The following NAV2 variants were observed in gnomAD, a reference collection of about 807,000 sequenced individuals.
NAV2 encodes the protein helicase, APC down-regulated 1.
A neutral mutation model predicts 223.2 loss-of-function variants in NAV2; 54 were observed. The ratio of observed to expected loss-of-function variants is 0.24; its 90% CI spans 0.19 to 0.30. The LOEUF (loss-of-function observed/expected upper bound fraction) is 0.30. NAV2 is among the 10% of genes least tolerant of loss of function. NAV2 has a pLI of 1.00. For missense variants in NAV2, 2,806 were observed against 3,147.5 expected (o/e 0.89, Z 2.60); for synonymous variants, 1,279 against 1,239.3 (o/e 1.03, Z -0.67).
At chr11:19,893,920 T>C (rs572558782) in intron 6 of NAV2, among the ~76,000 whole-genome samples, 1 of 152,318 alleles carries the variant, frequency 6.6e-6, no homozygotes, top group African/African-American at 2.4e-5. Flanking sequence ...GCTTGTAAAA[T>C]GGTACAAGTA....
At chr11:20,037,668 T>C (rs760584498) in intron 12 of NAV2, among the ~76,000 whole-genome samples, 57 of 152,208 alleles carry the variant, frequency 3.7e-4, no homozygotes, top group African/African-American at 1.3e-3. Context: ...TTTTCTAAAA[T>C]GTATTCAAGC....
intron 1 of NAV2, among the ~76,000 whole-genome samples, chr11:19,628,036 G>A (rs1221105976): frequency 6.6e-6 from 1 of 152,140 alleles, no homozygotes; most frequent in Non-Finnish European, 1.5e-5. Context: ...CTGGCATGTG[G>A]CAAACACCCA....
intron 11 of NAV2, among the ~76,000 whole-genome samples, chr11:19,995,006 G>A (rs888059377): frequency 2.0e-5 from 3 of 152,322 alleles, no homozygotes; most frequent in Non-Finnish European, 4.4e-5. Context: ...CTCTGATGAA[G>A]GCACACATTA....
chr11:19,855,097 C>T (rs1160699496), intron 3 of NAV2, among the ~76,000 whole-genome samples: 2 of 151,980 alleles, frequency 1.3e-5, no homozygotes, highest in Admixed American at 6.6e-5. Flanking sequence ...GCCTCCATTT[C>T]CCCATCTGAA....
At chr11:19,377,735 C>T (rs1273240766) in intron 1 of NAV2, among the ~76,000 whole-genome samples, 1 of 152,120 alleles carries the variant, frequency 6.6e-6, no homozygotes, top group African/African-American at 2.4e-5. Context: ...TCTCAAGGCC[C>T]TGGGAGGTTA....
At chr11:20,060,596 G>A (rs1401100936) in intron 19 of NAV2, among the ~76,000 whole-genome samples, 1 of 152,226 alleles carries the variant, frequency 6.6e-6, no homozygotes, top group East Asian at 1.9e-4. Context: ...GAGCTGCTAA[G>A]AGAGAAGAGG....
chr11:19,762,611 C>CT lies in NAV2; in HGVS notation c.267+48670dup, dbSNP rs35264238. On this transcript the variant is annotated intron_variant, in intron 1 of 37. Coordinates refer to ENST00000349880, the MANE Select transcript of NAV2 (RefSeq NM_145117.5). ...GCTGTTACTTCAGCAGAGAAGTCTT[C>CT]TTTTTTTTTTTTTTTTTTTTTGAGA... Among the ~76,000 whole-genome samples the CT allele has an allele frequency of 7.8e-3, 851 of 109,538 alleles. 6 individuals are homozygous for CT. Among genetic ancestry groups the CT allele is most frequent in the South Asian group, 0.011 (34 of 3,230 alleles). The allele number at this position is 109,538 out of a possible 152,430, so 71.9% of individuals were successfully genotyped here. A position where few individuals can be genotyped will look rare whatever the true frequency, so the allele number is the denominator to read the frequency against.
Position 19,508,072 on chromosome 11 carries a change from T to G in NAV2, c.75+157045T>G, listed in dbSNP as rs148816352. On this transcript the variant is annotated intron_variant, in intron 1 of 37. Coordinates refer to the NAV2 transcript ENST00000360655. Reference sequence around the variant, plus strand: ...GTCCTTGATGAAATGGAAAGTATGTTTCCTTTTATAGCAAGGGCAGTGGTG... The same window carrying G: ...GTCCTTGATGAAATGGAAAGTATGTGTCCTTTTATAGCAAGGGCAGTGGTG... 3.6e-3 allele frequency among the ~76,000 whole-genome samples: 549 copies of G among 152,310 alleles called. 2 individuals are homozygous for G. The highest frequency in any genetic ancestry group is 0.013 in the African/African-American group (531 of 41,558).
intron 1 of NAV2, among the ~76,000 whole-genome samples, chr11:19,717,107 T>A (rs973636270): frequency 6.6e-6 from 1 of 152,192 alleles, no homozygotes; most frequent in African/African-American, 2.4e-5. Context: ...TTGAGCTAGA[T>A]GAGGCTTAGC....
At chr11:19,595,843 TA>T (rs60907599) in intron 1 of NAV2, among the ~76,000 whole-genome samples, 15,769 of 151,942 alleles carry the variant, frequency 0.1, 2,280 homozygotes, top group African/African-American at 0.33. Flanking sequence ...ATTACAGGCA[TA>T]AGCCACCATG....
intron 1 of NAV2, among the ~76,000 whole-genome samples, chr11:19,643,780 A>C (rs2047734664): frequency 6.6e-6 from 1 of 152,218 alleles, no homozygotes; most frequent in African/African-American, 2.4e-5. Flanking sequence ...CAGTCCCACC[A>C]ACAGTGTAAA....
At chr11:19,907,914 T>C (rs944696414) in intron 6 of NAV2, among the ~76,000 whole-genome samples, 1 of 152,166 alleles carries the variant, frequency 6.6e-6, no homozygotes, top group Non-Finnish European at 1.5e-5. Flanking sequence ...GACTACAGTG[T>C]CTTTGGACAG....
rs1050948657 is a variant in NAV2 at position 20,120,356 on chromosome 11, G to A, written c.*2098G>A. On this transcript the variant is annotated 3_prime_UTR_variant, in exon 38 of 38. Coordinates refer to ENST00000349880, the MANE Select transcript of NAV2 (RefSeq NM_145117.5). ...AGTCATCTGGGTGTGAGTGTGTCTT[G>A]TTCTGTTTTTCTTTTTAATAAAACT... is the stretch of plus-strand genomic sequence containing the variant. The A allele has an allele frequency of 3.3e-5, 5 of 152,454 alleles. No individual in the cohort carries two copies. The highest frequency in any genetic ancestry group is 6.5e-5 in the Admixed American group (1 of 15,276). The allele number at this position is 152,454 out of a possible 1,614,324, so 9.4% of individuals were successfully genotyped here. A position where few individuals can be genotyped will look rare whatever the true frequency, so the allele number is the denominator to read the frequency against.
chr11:19,707,959 AT>A (rs1429275737), upstream of NAV2, among the ~76,000 whole-genome samples: 1 of 152,210 alleles, frequency 6.6e-6, no homozygotes, highest in Admixed American at 6.5e-5. Flanking sequence ...TTTATTTGAC[AT>A]TTAGTCTGGG....
At chr11:19,720,071 G>C (rs758315135) in intron 1 of NAV2, among the ~76,000 whole-genome samples, 9 of 152,204 alleles carry the variant, frequency 5.9e-5, no homozygotes, top group Non-Finnish European at 1.0e-4. Flanking sequence ...CTCCCAGCAG[G>C]CATGGTTGTA....
intron 10 of NAV2, among the ~76,000 whole-genome samples, chr11:19,966,572 C>T (rs926595535): frequency 2.6e-5 from 4 of 152,190 alleles, no homozygotes; most frequent in African/African-American, 7.2e-5. Flanking sequence ...GAACCACAGA[C>T]GTTTTCCTTG....
At chr11:19,962,270 A>G (rs780537513) in intron 10 of NAV2, among the ~76,000 whole-genome samples, 5 of 151,854 alleles carry the variant, frequency 3.3e-5, no homozygotes, top group Admixed American at 6.5e-5. Context: ...ACCCACCTAC[A>G]TTATGGAGGA....
At chr11:19,589,336 G>T (rs2045989037) in intron 1 of NAV2, among the ~76,000 whole-genome samples, 1 of 152,154 alleles carries the variant, frequency 6.6e-6, no homozygotes, top group Non-Finnish European at 1.5e-5. Flanking sequence ...AGGAAAAATG[G>T]GACCACCTGC....
chr11:19,956,289 C>G (rs2047856468), intron 10 of NAV2, among the ~76,000 whole-genome samples: 2 of 152,134 alleles, frequency 1.3e-5, no homozygotes, highest in Non-Finnish European at 2.9e-5. Context: ...AATTCGGACA[C>G]AATCTACCTA....
Sources: allele counts gnomAD v4.1 joint callset (sites outside exome capture counted in the v4.1 genomes callset), GRCh38; gene constraint gnomAD v4.1.1; transcripts MANE v1.5; gene names NCBI Gene and HGNC (gene_info 2026-07-23, HGNC 2026-07-21).